Variants in CCT3 observed in about 807,000 individuals in gnomAD.
CCT3 encodes chaperonin containing TCP1 subunit 3.
In CCT3, 10 loss-of-function variants were observed where a neutral mutation model predicts 65.3. The observed-to-expected ratio is 0.15, with a 90% CI of 0.09 to 0.26. The LOEUF (loss-of-function observed/expected upper bound fraction) is 0.26. Ranked by LOEUF, CCT3 falls within the 10% of genes least tolerant of loss-of-function variation. The pLI is 1.00. For synonymous variants in CCT3, 225 were observed against 242.3 expected, an observed-to-expected ratio of 0.93 and a Z score of 0.66; for missense variants, 626 against 708.7, an observed-to-expected ratio of 0.88 and a Z score of 1.33.
chr1:156,311,568 T>C (rs1664084254), intron 11 of CCT3, among the ~76,000 whole-genome samples: 1 of 152,244 alleles, frequency 6.6e-6, no homozygotes, highest in Non-Finnish European at 1.5e-5. Context: ...CCTAGTTGTA[T>C]CTTTTAGGAG....
intron 10 of CCT3, 52 bp downstream of exon 10, chr1:156,317,114 C>G (rs1664342703): frequency 6.8e-7 from 1 of 1,474,996 alleles, no homozygotes; most frequent in Non-Finnish European, 9.5e-7. Context: ...TACGCAACTA[C>G]AAAAAGGAAA....
chr1:156,323,674 C>T (rs1290057733), intron 6 of CCT3, among the ~76,000 whole-genome samples: 1 of 151,966 alleles, frequency 6.6e-6, no homozygotes, highest in Non-Finnish European at 1.5e-5. Context: ...ACCATGTTAG[C>T]CAGGATGGTC....
At chr1:156,327,481 C>T (rs1171439853) in intron 5 of CCT3, among the ~76,000 whole-genome samples, 2 of 152,146 alleles carry the variant, frequency 1.3e-5, no homozygotes, top group Admixed American at 6.5e-5. Flanking sequence ...TTGGTGGAGA[C>T]GGGGTTTCGC....
chr1:156,309,768 G>A (rs867363698), intron 13 of CCT3, among the ~76,000 whole-genome samples: 1 of 151,746 alleles, frequency 6.6e-6, no homozygotes, highest in African/African-American at 2.4e-5. Flanking sequence ...GCCAGGTGTG[G>A]TGGCTCACAC....
chr1:156,328,939 C>T (rs1664983818), intron 5 of CCT3, among the ~76,000 whole-genome samples: 1 of 152,060 alleles, frequency 6.6e-6, no homozygotes, highest in Non-Finnish European at 1.5e-5. Context: ...TGTTTCAATT[C>T]CAAAGTGTCA....
intron 6 of CCT3, among the ~76,000 whole-genome samples, chr1:156,321,975 G>A (rs368406704): frequency 6.6e-6 from 1 of 152,208 alleles, no homozygotes; most frequent in South Asian, 2.1e-4. Context: ...GATAAAGGGG[G>A]CTGGGTGCCA....
intron 1 of CCT3, 113 bp from the exon 2 acceptor site, chr1:156,336,001 A>G (rs560633336): frequency 1.6e-5 from 12 of 739,350 alleles, no homozygotes; most frequent in Non-Finnish European, 2.5e-5. Flanking sequence ...ATATCCACAG[A>G]GCAAAGCTTA....
intron 5 of CCT3, among the ~76,000 whole-genome samples, chr1:156,330,580 C>T (rs947114181): frequency 6.6e-5 from 10 of 152,008 alleles, no homozygotes; most frequent in South Asian, 4.2e-4. Flanking sequence ...ATGAGAATCA[C>T]GAGCCCAGGA....
At position 156,321,316 on chromosome 1, in the gene CCT3, A is replaced by G. The variant is rs112036550; in HGVS notation, c.423-291T>C. Among the ~76,000 whole-genome samples the G allele has an allele frequency of 1.3e-3, 191 of 152,330 alleles. 1 individual carries two copies. Among genetic ancestry groups the G allele is most frequent in the African/African-American group, 4.4e-3 (181 of 41,580 alleles). On this transcript the variant is annotated intron_variant, in intron 6 of 13. Coordinates refer to ENST00000295688, the MANE Select transcript of CCT3 (RefSeq NM_005998.5). ...TGTTCCTTATCTTCTGCTTCAACCAAGTAAACTTTTCAACTTTTACAACTC... is the reference window on the plus strand; with the variant it reads ...TGTTCCTTATCTTCTGCTTCAACCAGGTAAACTTTTCAACTTTTACAACTC...
chr1:156,337,897 G>C, intron 1 of CCT3: 1 of 542,320 alleles, frequency 1.8e-6, no homozygotes, highest in Middle Eastern at 4.8e-4. Context: ...ACAGAACGCG[G>C]AGTGGGAAAG....
At position 156,325,577 on chromosome 1, in the gene CCT3, ATTTTTTT is replaced by A. The variant is rs549653555; in HGVS notation, c.305-495_305-489del. Among the ~76,000 whole-genome samples the A allele has an allele frequency of 2.2e-5, 3 of 137,946 alleles. No homozygotes were observed. In the South Asian group the frequency reaches 6.9e-4, roughly 32 times the overall value. 90.5% of individuals were successfully genotyped at this position (137,946 alleles called of 152,430 possible). Reference sequence around the variant, plus strand: ...ATTCTAGGGCTTACTTATTCTTTTGATTTTTTTTTTTTTTTTTTGAGAAGCAGTCTCG... The same window carrying A: ...ATTCTAGGGCTTACTTATTCTTTTGATTTTTTTTTTTGAGAAGCAGTCTCG... On this transcript the variant is annotated intron_variant, in intron 5 of 13. Coordinates refer to ENST00000295688, the MANE Select transcript of CCT3 (RefSeq NM_005998.5).
intron 5 of CCT3, among the ~76,000 whole-genome samples, chr1:156,331,973 G>A (rs1477841185): frequency 4.0e-5 from 6 of 151,692 alleles, no homozygotes; most frequent in African/African-American, 7.3e-5. Flanking sequence ...GGGAGGTTGC[G>A]GCGAGCCGAG....
At chr1:156,319,691 T>C (rs573670793) in intron 7 of CCT3, among the ~76,000 whole-genome samples, 16 of 151,826 alleles carry the variant, frequency 1.1e-4, no homozygotes, top group African/African-American at 2.9e-4. Context: ...GGGCAACACA[T>C]TGAGACCCAA....
At chr1:156,325,956 A>C (rs1180319615) in intron 5 of CCT3, among the ~76,000 whole-genome samples, 1 of 152,170 alleles carries the variant, frequency 6.6e-6, no homozygotes, top group Non-Finnish European at 1.5e-5. Flanking sequence ...AGAAAAACTG[A>C]CTTGTTTATT....
At chr1:156,333,424 A>C in intron 5 of CCT3, 123 bp downstream of exon 5, 1 of 722,712 alleles carries the variant, frequency 1.4e-6, no homozygotes, top group Non-Finnish European at 2.4e-6. Flanking sequence ...GAATACATAG[A>C]AAATAACCAA....
chr1:156,327,627 A>T (rs1664881290), intron 5 of CCT3, among the ~76,000 whole-genome samples: 1 of 151,874 alleles, frequency 6.6e-6, no homozygotes, highest in Non-Finnish European at 1.5e-5. Flanking sequence ...CAGTGGCGTG[A>T]TCTCGGCTCG....
At chr1:156,321,994 G>A (rs550688427) in intron 6 of CCT3, among the ~76,000 whole-genome samples, 8 of 152,292 alleles carry the variant, frequency 5.3e-5, no homozygotes, top group South Asian at 2.1e-4. Flanking sequence ...CATGCTTCAC[G>A]CCTGTAAACC....
chr1:156,313,358 AAAAAAG>A (rs1664164629), intron 10 of CCT3, among the ~76,000 whole-genome samples: 43 of 150,530 alleles, frequency 2.9e-4, no homozygotes, highest in African/African-American at 6.3e-4. Context: ...AAGAAAAAAA[AAAAAAG>A]AGAGAGAGAG....
rs781237604 is a variant in CCT3, at chr1:156,334,779, A to T, written c.145-4T>A. 2.9e-5 allele frequency: 47 copies of T among 1,614,126 alleles called. No homozygotes were observed. The highest frequency in any genetic ancestry group is 4.0e-5 in the Non-Finnish European group (47 of 1,179,966). On this transcript the variant is annotated splice_polypyrimidine_tract_variant and splice_region_variant and intron_variant, in intron 3 of 13. Coordinates refer to ENST00000295688, the MANE Select transcript of CCT3 (RefSeq NM_005998.5). ...CTCCCATTGGGTCCAAAAGCATCTAAGATGAAAGCAAAAGTTATATTTAAA... is the reference window on the plus strand; with the variant it reads ...CTCCCATTGGGTCCAAAAGCATCTATGATGAAAGCAAAAGTTATATTTAAA...
Sources: allele counts gnomAD v4.1 joint callset (sites outside exome capture counted in the v4.1 genomes callset), GRCh38; gene constraint gnomAD v4.1.1; transcripts MANE v1.5; gene names NCBI Gene and HGNC (gene_info 2026-07-23, HGNC 2026-07-21).